ADGRE3: variants seen among roughly 807,000 people sequenced by gnomAD.
ADGRE3 encodes EGF-like module receptor 3.
A neutral mutation model predicts 80.1 loss-of-function variants in ADGRE3; 88 were observed. The observed-to-expected ratio is 1.10, with a 90% confidence interval of 0.93 to 1.31. ADGRE3 has a LOEUF of 1.31. Among genes scored for constraint, ADGRE3 ranks in the 40% most tolerant of loss-of-function variants. The pLI is 0.00. For synonymous variants in ADGRE3, 281 were observed against 294.8 expected (o/e 0.95, Z 0.48); for missense variants, 715 against 776.5 (o/e 0.92, Z 0.94).
intron 3 of ADGRE3, among the ~76,000 whole-genome samples, chr19:14,662,902 A>C (rs971836339): frequency 2.4e-4 from 11 of 46,662 alleles, no homozygotes; most frequent in African/African-American, 1.0e-3. Context: ...ATCCATCTCT[A>C]CAAAAAAAAA....
intron 1 of ADGRE3, among the ~76,000 whole-genome samples, chr19:14,669,792 A>G (rs1972202641): frequency 6.6e-6 from 1 of 152,118 alleles, no homozygotes; most frequent in South Asian, 2.1e-4. Context: ...GCCCAGCCCA[A>G]TGACTATTAT....
the ADGRE3 span, chr19:14,610,286 G>A: frequency 6.7e-7 from 1 of 1,503,290 alleles, no homozygotes; most frequent in Non-Finnish European, 8.9e-7. Flanking sequence ...GCCTCTTCGT[G>A]AGTGGACACA....
chr19:14,672,484 A>G (rs1972283061), intron 1 of ADGRE3, among the ~76,000 whole-genome samples: 1 of 152,176 alleles, frequency 6.6e-6, no homozygotes, highest in Non-Finnish European at 1.5e-5. Context: ...AGATGACCTA[A>G]ATGAGGGACT....
Position 14,663,558 on chromosome 19 carries a change from G to T in ADGRE3, c.77-18C>A, listed in dbSNP as rs1366888730. ...ACAGGAAGCTGCAGGGAGAAGAGAG[G>T]CAGGTTAAATGGACTGGGGTCACAA... On this transcript the variant is annotated intron_variant, in intron 2 of 15. Transcript: ENST00000253673. 6.2e-7 allele frequency: 1 copy of T among 1,609,274 alleles called. No individual in the cohort carries two copies. The highest frequency in any genetic ancestry group is 8.5e-7 in the Non-Finnish European group (1 of 1,176,842).
intron 11 of ADGRE3, among the ~76,000 whole-genome samples, chr19:14,634,461 G>T (rs576289000): frequency 6.6e-6 from 1 of 152,264 alleles, no homozygotes; most frequent in Admixed American, 6.5e-5. Context: ...GTTGGCTGGG[G>T]TGGACACAGC....
intron 4 of ADGRE3, among the ~76,000 whole-genome samples, chr19:14,659,822 G>GAAAAAAAAAAAAAAAAAAAAAA (rs66908687): frequency 6.7e-5 from 3 of 44,840 alleles, no homozygotes; most frequent in African/African-American, 8.9e-5. Flanking sequence ...CTCTGCCTCT[G>GAAAAAAAAAAAAAAAAAAAAAA]AAAAAAAAAA....
Position 14,633,020 on chromosome 19 carries a change from A to G in ADGRE3, c.1552-8T>C, listed in dbSNP as rs1257454230. The G allele has an allele frequency of 6.2e-7, 1 of 1,606,106 alleles. No individual in the cohort carries two copies. Among genetic ancestry groups the G allele is most frequent in the Non-Finnish European group, 8.5e-7 (1 of 1,172,760 alleles). ...AAACAATACTAAATTCGCCTGCAGG[A>G]CCAACACAAACAAGGCAGAGTGCAA... is the stretch of plus-strand genomic sequence containing the variant. On this transcript the variant is annotated splice_region_variant and splice_polypyrimidine_tract_variant and intron_variant, in intron 12 of 15. Transcript: ENST00000253673.
intron 6 of ADGRE3, among the ~76,000 whole-genome samples, chr19:14,651,458 T>C (rs112958973): frequency 7.5e-4 from 114 of 151,880 alleles, no homozygotes; most frequent in African/African-American, 2.7e-3. Context: ...GAGCTAAGAG[T>C]CTTACACATG....
At chr19:14,634,655 T>G (rs1324836702) in intron 11 of ADGRE3, among the ~76,000 whole-genome samples, 1 of 152,182 alleles carries the variant, frequency 6.6e-6, no homozygotes, top group African/African-American at 2.4e-5. Flanking sequence ...GGGACAACTA[T>G]TATTCTCATC....
chr19:14,643,404 A>G (rs1971307217), intron 9 of ADGRE3, among the ~76,000 whole-genome samples: 1 of 151,974 alleles, frequency 6.6e-6, no homozygotes, highest in Non-Finnish European at 1.5e-5. Context: ...TCGGCCTCCC[A>G]AAGTGCTGGG....
At chr19:14,608,124 A>G in the ADGRE3 span, among the ~76,000 whole-genome samples, 1 of 151,906 alleles carries the variant, frequency 6.6e-6, no homozygotes. Flanking sequence ...CACCCGCCTT[A>G]GCCTCCCAAA....
chr19:14,671,508 C>T (rs1972255618), intron 1 of ADGRE3, among the ~76,000 whole-genome samples: 1 of 152,036 alleles, frequency 6.6e-6, no homozygotes, highest in South Asian at 2.1e-4. Context: ...AGGGTACTAC[C>T]CCCATATTAA....
At chr19:14,627,201 C>T (rs1216935289) in intron 14 of ADGRE3, among the ~76,000 whole-genome samples, 3 of 152,174 alleles carry the variant, frequency 2.0e-5, no homozygotes, top group Non-Finnish European at 4.4e-5. Flanking sequence ...CCAGTAATGA[C>T]AAGCATTTCC....
intron 10 of ADGRE3, among the ~76,000 whole-genome samples, chr19:14,640,755 C>T (rs565421796): frequency 3.3e-5 from 5 of 152,144 alleles, no homozygotes; most frequent in Non-Finnish European, 7.4e-5. Flanking sequence ...TAATTTGAAT[C>T]ATGGGGGCGG....
At chr19:14,642,319 C>T (rs1006346883) in intron 9 of ADGRE3, among the ~76,000 whole-genome samples, 1 of 152,016 alleles carries the variant, frequency 6.6e-6, no homozygotes, top group African/African-American at 2.4e-5. Flanking sequence ...CAAGACCGAC[C>T]TGAGCAACAA....
intron 2 of ADGRE3, among the ~76,000 whole-genome samples, chr19:14,668,323 C>T (rs1298918061): frequency 6.6e-6 from 1 of 152,042 alleles, no homozygotes; most frequent in Non-Finnish European, 1.5e-5. Flanking sequence ...AGATTCTTAA[C>T]CCACAGAAAC....
chr19:14,637,383 T>C (rs915526997), intron 11 of ADGRE3, among the ~76,000 whole-genome samples: 4 of 145,842 alleles, frequency 2.7e-5, no homozygotes, highest in African/African-American at 1.0e-4. Flanking sequence ...CGCCCTGAGA[T>C]TTTTAAGCTC....
At chr19:14,634,351 C>T (rs8107052) in intron 11 of ADGRE3, among the ~76,000 whole-genome samples, 8,426 of 152,072 alleles carry the variant, frequency 0.055, 662 homozygotes, top group African/African-American at 0.17. Context: ...CTTATTGAAC[C>T]TATTACACAC....
intron 6 of ADGRE3, among the ~76,000 whole-genome samples, chr19:14,652,058 G>GTAAA (rs778284103): frequency 9.2e-5 from 14 of 152,020 alleles, no homozygotes; most frequent in African/African-American, 2.9e-4. Context: ...AAGTAAGTAA[G>GTAAA]TAAATAAATA....
Sources: gnomAD v4.1 joint callset for allele counts (sites outside exome capture counted in the v4.1 genomes callset) on GRCh38, gnomAD v4.1.1 for gene constraint, MANE v1.5 for transcripts, NCBI Gene and HGNC (gene_info 2026-07-23, HGNC 2026-07-21) for gene names.